Variants in LRP1 observed in about 807,000 individuals in gnomAD.
The protein encoded by LRP1 is LDL receptor related protein 1, also known as prolow-density lipoprotein receptor-related protein 1.
Under a neutral mutation model 541.5 loss-of-function variants are expected in LRP1, and 51 were observed. That is an observed-to-expected ratio of 0.09 (90% confidence interval 0.08 to 0.12). The LOEUF (loss-of-function observed/expected upper bound fraction) is 0.12, where lower values mean the gene tolerates loss of function less well. LRP1 is among the 10% of genes least tolerant of loss of function. The pLI is 1.00. For missense variants in LRP1, 3,878 were observed against 6,376.2 expected, an observed-to-expected ratio of 0.61 and a Z score of 13.34; for synonymous variants, 2,219 against 2,470.8, an observed-to-expected ratio of 0.90 and a Z score of 3.02.
rs945590631 is a variant in LRP1, at chr12:57,129,003, C to G, written c.39C>G (p.Leu13=). The change falls in exon 1 of 89, where the codon CTC becomes CTG. Residue 13 remains leucine (L), a synonymous_variant. Transcript: ENST00000243077. The part of the protein sequence containing the change: ...TPPLLLLLPL[L]SALVAAAIDA... ...CGTTGCTCCTGCTGCTGCCCCTGCT[C>G]TCAGCTCTGGTCGCGGCGGCTATCG... The G allele has an allele frequency of 3.5e-5, 54 of 1,551,410 alleles. No homozygotes were observed.
At chr12:57,143,875 GGT>G in intron 4 of LRP1, 77 bp downstream of exon 4, 1 of 1,498,258 alleles carries the variant, frequency 6.7e-7, no homozygotes, top group Non-Finnish European at 9.0e-7. Flanking sequence ...GGCAGAGAGG[GGT>G]AGGGGGCCTG....
chr12:57,133,129 A>G (rs551398713), intron 1 of LRP1, among the ~76,000 whole-genome samples: 1 of 152,290 alleles, frequency 6.6e-6, no homozygotes, highest in East Asian at 1.9e-4. Context: ...CCAGGAGCCT[A>G]AGAACTGGAG....
At position 57,138,415 on chromosome 12, in the gene LRP1, G is replaced by A. The variant is rs200704264; in HGVS notation, c.68-44G>A. 302 of 1,606,312 alleles carry A rather than the reference G, an allele frequency of 1.9e-4. No homozygotes were observed. In the East Asian group the frequency reaches 6.0e-3, roughly 32 times the overall value. On this transcript the variant is annotated intron_variant, in intron 1 of 88. Coordinates refer to ENST00000243077, the MANE Select transcript of LRP1 (RefSeq NM_002332.3). The stretch of plus-strand genomic sequence containing the variant: ...AGGGGACTTTGGGTTCACAGAGTTG[G>A]CCTCCATCCTTCATTTATATCCCCT...
At position 57,166,079 on chromosome 12, in the gene LRP1, C is replaced by A; in HGVS notation, c.2672-5C>A. 1 of 1,614,190 alleles carries A rather than the reference C, an allele frequency of 6.2e-7. No individual in the cohort carries two copies. Among genetic ancestry groups the A allele is most frequent in the Non-Finnish European group, 8.5e-7 (1 of 1,180,012 alleles). The stretch of plus-strand genomic sequence containing the variant: ...TCGCTGACCCCTGACTCATTCCCTC[C>A]CCAGATCAGCACACCTGCCCCTCGG... On this transcript the variant is annotated splice_polypyrimidine_tract_variant and splice_region_variant and intron_variant, in intron 16 of 88. Coordinates refer to ENST00000243077, the MANE Select transcript of LRP1 (RefSeq NM_002332.3).
In LRP1 at chr12:57,210,714, C is replaced by T; in HGVS notation, c.12755-4C>T. The T allele has an allele frequency of 1.2e-6, 2 of 1,606,572 alleles. No individual in the cohort carries two copies. The highest frequency in any genetic ancestry group is 1.7e-6 in the Non-Finnish European group (2 of 1,174,336). Reference sequence around the variant, plus strand: ...AGTCGCGCTCACACATCCTCTCCCACCAGGCATGCCCACGTGCCGGTGCCC... The same window carrying T: ...AGTCGCGCTCACACATCCTCTCCCATCAGGCATGCCCACGTGCCGGTGCCC... On this transcript the variant is annotated splice_polypyrimidine_tract_variant and splice_region_variant and intron_variant, in intron 82 of 88. Transcript: ENST00000243077.
rs190093413 is a variant in LRP1, at chr12:57,202,541, C to A, written c.10711+4C>A. 3.2e-6 allele frequency: 5 copies of A among 1,562,768 alleles called. No homozygotes were observed. Among genetic ancestry groups the A allele is most frequent in the South Asian group, 1.2e-5 (1 of 85,236 alleles). ...AACTCCGATGAAGAGAGCTGCAGTA[C>A]GTCCCCACCCACCCAGCCCCGCATG... On this transcript the variant is annotated splice_donor_region_variant and intron_variant, in intron 68 of 88. Transcript: ENST00000243077.
At position 57,158,163 on chromosome 12, in the gene LRP1, A is replaced by G. The variant is rs183469754; in HGVS notation, c.1562-239A>G. ...GTGGGCACTTAGCTGAAAACCTGCTATTCTTCCCTCATTTCCTACCCTTGG... is the reference window on the plus strand; with the variant it reads ...GTGGGCACTTAGCTGAAAACCTGCTGTTCTTCCCTCATTTCCTACCCTTGG... On this transcript the variant is annotated intron_variant, in intron 10 of 88. Coordinates refer to ENST00000243077, the MANE Select transcript of LRP1 (RefSeq NM_002332.3). The surrounding 1 kb of genome is among the most constrained non-coding windows in gnomAD (Gnocchi z 5.3). Among the ~76,000 whole-genome samples, 18 of 152,302 alleles carry G rather than the reference A, an allele frequency of 1.2e-4. No homozygotes were observed. Among genetic ancestry groups the G allele is most frequent in the Admixed American group, 1.2e-3 (18 of 15,304 alleles).
At chr12:57,141,021 A>G (rs2035278629) in intron 2 of LRP1, among the ~76,000 whole-genome samples, 1 of 152,174 alleles carries the variant, frequency 6.6e-6, no homozygotes, top group Admixed American at 6.6e-5. Flanking sequence ...GGTGTGAGCC[A>G]TCACTCCCGG....
At chr12:57,149,559 A>T (rs757093109) in intron 6 of LRP1, 3 of 679,336 alleles carry the variant, frequency 4.4e-6, no homozygotes, top group Admixed American at 4.2e-5. Context: ...TAGAGGGAAG[A>T]CCCTAAGATG....
intron 83 of LRP1, 79 bp downstream of exon 83, chr12:57,210,958 G>A (rs2036901013): frequency 4.6e-6 from 7 of 1,531,008 alleles, no homozygotes; most frequent in African/African-American, 2.7e-5. Context: ...TGTTCAACCT[G>A]TGCCTGGGAC....
chr12:57,201,118 A>T lies in LRP1; in HGVS notation c.10310A>T (p.Asp3437Val). Residue 3437 changes from aspartate to valine, a missense_variant, in exon 65 of 89, where the codon GAC (aspartate) becomes GTC (valine). Physicochemically the swap from Asp to Val is radical, Grantham distance 152. Around this residue, in one of 13 missense-constraint regions of LRP1, gnomAD observed 278 missense variants for 536.3 expected, o/e 0.52. Coordinates refer to ENST00000243077, the MANE Select transcript of LRP1 (RefSeq NM_002332.3). The surrounding 1 kb of genome is among the most constrained non-coding windows in gnomAD (Gnocchi z 6.4). The stretch of plus-strand genomic sequence containing the variant: ...GGCATCTTCCGCTGCAATGGGCAGG[A>T]CAACTGCGGAGATGGGGAGGATGAG... Reference protein sequence around the residue: ...IPGIFRCNGQDNCGDGEDERD... With the variant: ...IPGIFRCNGQVNCGDGEDERD... The T allele has an allele frequency of 6.2e-7, 1 of 1,614,100 alleles. No homozygotes were observed. The highest frequency in any genetic ancestry group is 1.1e-5 in the South Asian group (1 of 91,070).
rs1443168739 is a variant in LRP1, at chr12:57,194,997, C to T, written c.8204C>T (p.Ser2735Leu). 6.2e-7 allele frequency: 1 copy of T among 1,613,760 alleles called. No individual in the cohort carries two copies. The highest frequency in any genetic ancestry group is 8.5e-7 in the Non-Finnish European group (1 of 1,179,830). Reference protein sequence around the residue: ...EDETHCNKFCSEAQFECQNHR... With the variant: ...EDETHCNKFCLEAQFECQNHR... ...CTGACTGCCCCAGACAAGTTCTGCT[C>T]AGAGGCCCAGTTTGAGTGCCAGAAC... Residue 2735 changes from serine to leucine, a missense_variant, in exon 51 of 89, where the codon TCA (serine) becomes TTA (leucine). By Grantham distance (145) the Ser-to-Leu change is moderately radical. Transcript: ENST00000243077.
Position 57,162,487 on chromosome 12 carries a change from G to A in LRP1, c.2373G>A (p.Glu791=). The A allele has an allele frequency of 6.2e-7, 1 of 1,614,110 alleles. No individual in the cohort carries two copies. The highest frequency in any genetic ancestry group is 8.5e-7 in the Non-Finnish European group (1 of 1,180,022). ...LLRSERPPIF[E]IRMYDAQQQQ... ...GCAGTGAGCGGCCCCCCATCTTTGA[G>A]ATCCGAATGTATGATGCCCAGCAGC... Residue 791 remains glutamate, a synonymous_variant, in exon 14 of 89, where the codon GAG becomes GAA. Coordinates refer to ENST00000243077, the MANE Select transcript of LRP1 (RefSeq NM_002332.3). The surrounding 1 kb of genome is among the most constrained non-coding windows in gnomAD (Gnocchi z 5.2).
intron 20 of LRP1, among the ~76,000 whole-genome samples, chr12:57,170,053 T>C (rs1187779664): frequency 6.6e-6 from 1 of 152,262 alleles, no homozygotes; most frequent in East Asian, 1.9e-4. Context: ...TGGGAGATTC[T>C]GTCCCAGGCC....
At chr12:57,176,208 C>T in intron 24 of LRP1, 102 bp downstream of exon 24, 5 of 1,102,672 alleles carry the variant, frequency 4.5e-6, no homozygotes, top group South Asian at 4.3e-5. Context: ...AGGCTTGGCT[C>T]CCCCATCCCC....
chr12:57,194,225 AC>A, intron 48 of LRP1, 128 bp from the exon 49 acceptor site: 2 of 1,135,230 alleles, frequency 1.8e-6, no homozygotes, highest in Non-Finnish European at 2.4e-6. Flanking sequence ...GATGGTGCAG[AC>A]AGTGCCCCAC....
Position 57,198,540 on chromosome 12 carries a change from C to G in LRP1, c.9546C>G (p.Val3182=). Residue 3182 remains valine, a synonymous_variant, in exon 60 of 89, where the codon GTC becomes GTG. Transcript: ENST00000243077. Reference sequence around the variant, plus strand: ...GCATGGATGGGTCCAGCCGCAGCGTCATCGTGGACACCAAGATCACATGGC... The same window carrying G: ...GCATGGATGGGTCCAGCCGCAGCGTGATCGTGGACACCAAGATCACATGGC... ...RIGMDGSSRS[V]IVDTKITWPN... 6.2e-7 allele frequency: 1 copy of G among 1,614,070 alleles called. No homozygotes were observed. The highest frequency in any genetic ancestry group is 1.1e-5 in the South Asian group (1 of 91,062).
At chr12:57,141,614 C>G (rs2035294242) in intron 3 of LRP1, 103 bp downstream of exon 3, 2 of 1,393,616 alleles carry the variant, frequency 1.4e-6, no homozygotes, top group South Asian at 2.6e-5. Flanking sequence ...GAGGCCTTGT[C>G]CTGGTCCCCT....
At position 57,133,849 on chromosome 12, in the gene LRP1, T is replaced by A. The variant is rs532805765; in HGVS notation, c.68-4610T>A. Among the ~76,000 whole-genome samples, 26 of 152,148 alleles carry A rather than the reference T, an allele frequency of 1.7e-4. No individual in the cohort carries two copies. In the East Asian group the frequency reaches 5.0e-3, roughly 30 times the overall value. ...AGAAGCACCTCTAAGGTCTTAGCTC[T>A]CTTCCTTGCTCTCGCTCCCTCAAGG... On this transcript the variant is annotated intron_variant, in intron 1 of 88. Coordinates refer to ENST00000243077, the MANE Select transcript of LRP1 (RefSeq NM_002332.3).
Sources: gnomAD v4.1 joint callset for allele counts (sites outside exome capture counted in the v4.1 genomes callset) on GRCh38, gnomAD v4.1.1 for gene constraint, gnomAD v4.1.1 regional missense constraint, Gnocchi (gnomAD v3.1) non-coding constraint, MANE v1.5 for transcripts, NCBI Gene and HGNC (gene_info 2026-07-23, HGNC 2026-07-21) for gene names.